Variants in CEP83 observed in about 807,000 individuals in gnomAD.
CEP83 encodes centrosomal protein 83.
In CEP83, 70 loss-of-function variants were observed where a neutral mutation model predicts 101.9. That is an observed-to-expected ratio of 0.69 (90% CI 0.57 to 0.84). CEP83 has a LOEUF of 0.84. Ranked by LOEUF, CEP83 falls within the 40% of genes least tolerant of loss-of-function variation. The pLI is 0.00. For synonymous variants in CEP83, 264 were observed against 267.9 expected, an observed-to-expected ratio of 0.99 and a Z score of 0.14; for missense variants, 715 against 787.2, an observed-to-expected ratio of 0.91 and a Z score of 1.10.
chr12:94,409,233 T>C, intron 4 of CEP83, among the ~76,000 whole-genome samples: 1 of 152,146 alleles, frequency 6.6e-6, no homozygotes, highest in East Asian at 1.9e-4. Context: ...GTATACATGA[T>C]GTTTCTTTAG....
chr12:94,452,367 G>C (rs1030236387), intron 1 of CEP83, among the ~76,000 whole-genome samples: 53 of 152,156 alleles, frequency 3.5e-4, no homozygotes, highest in African/African-American at 1.2e-3. Flanking sequence ...TGTTTAAAAA[G>C]GGCTAGGTAG....
the CEP83 span, chr12:94,282,531 GA>G: frequency 1.5e-6 from 1 of 646,524 alleles, no homozygotes; most frequent in East Asian, 2.8e-5. Flanking sequence ...GTCTGGGGCT[GA>G]AGTTTTCTTT....
At chr12:94,459,441 C>T (rs1483787634) in intron 1 of CEP83, 116 bp downstream of exon 1, 2 of 152,196 alleles carry the variant, frequency 1.3e-5, no homozygotes, top group Non-Finnish European at 2.9e-5. Flanking sequence ...CTAGCACGAG[C>T]TTCCACTACT....
intron 11 of CEP83, among the ~76,000 whole-genome samples, chr12:94,360,601 T>C (rs1376944369): frequency 6.6e-6 from 1 of 151,918 alleles, no homozygotes. Context: ...ATTAAAGAAA[T>C]TGAAGACACC....
intron 6 of CEP83, among the ~76,000 whole-genome samples, chr12:94,383,498 C>T (rs2061964645): frequency 6.6e-6 from 1 of 151,910 alleles, no homozygotes. Context: ...GAGTTACATC[C>T]CAATAAACCC....
the CEP83 span, among the ~76,000 whole-genome samples, chr12:94,269,819 T>C: frequency 1.3e-5 from 2 of 152,248 alleles, no homozygotes; most frequent in South Asian, 4.1e-4. Flanking sequence ...ACTAACTTCA[T>C]AGTTAGTGTT....
chr12:94,378,969 T>C lies in CEP83; in HGVS notation c.623A>G (p.Lys208Arg). Residue 208 changes from lysine (K) to arginine (R), a missense_variant, in exon 7 of 17, where the codon AAA (lysine) becomes AGA (arginine). By Grantham distance (26) the Lys-to-Arg change is conservative. Transcript: ENST00000397809. Reference sequence around the variant, plus strand: ...TTCTCGAGCAAGTTGTTCCACTCGTTTGCTGTCTTTTGTGAGATCAACATT... The same window carrying C: ...TTCTCGAGCAAGTTGTTCCACTCGTCTGCTGTCTTTTGTGAGATCAACATT... ...LLNVDLTKDS[K>R]RVEQLAREKV... The C allele has an allele frequency of 1.2e-6, 2 of 1,614,072 alleles. No individual in the cohort carries two copies. Among genetic ancestry groups the C allele is most frequent in the Non-Finnish European group, 8.5e-7 (1 of 1,179,968 alleles).
intron 13 of CEP83, among the ~76,000 whole-genome samples, chr12:94,333,045 C>CAAAAAAAAAAA (rs34900007): frequency 1.4e-5 from 1 of 73,170 alleles, no homozygotes; most frequent in Admixed American, 1.6e-4. Context: ...ATTTTAAGAC[C>CAAAAAAAAAAA]AAAAAAAAAA....
intron 1 of CEP83, among the ~76,000 whole-genome samples, chr12:94,450,944 T>C (rs1429215372): frequency 1.2e-4 from 19 of 152,180 alleles, no homozygotes; most frequent in Admixed American, 1.2e-3. Context: ...AAACTTACTA[T>C]AAAACTGCAG....
Position 94,308,715 on chromosome 12 carries a change from G to C in CEP83, c.*98C>G, listed in dbSNP as rs528238979. 8.6e-5 allele frequency: 66 copies of C among 771,558 alleles called. No individual in the cohort carries two copies. In the African/African-American group the frequency reaches 9.5e-4, roughly 11 times the overall value. 47.8% of individuals were successfully genotyped at this position (771,558 alleles called of 1,614,324 possible). A position where few individuals can be genotyped will look rare whatever the true frequency, so the allele number is the denominator to read the frequency against. ...TCTTGAGGCACATTCAAGTGTTTTG[G>C]CAAACAGTAAAAAGTATCTAAATGC... is the stretch of plus-strand genomic sequence containing the variant. On this transcript the variant is annotated 3_prime_UTR_variant, in exon 17 of 17. Coordinates refer to ENST00000397809, the MANE Select transcript of CEP83 (RefSeq NM_016122.3).
intron 6 of CEP83, among the ~76,000 whole-genome samples, chr12:94,383,393 T>A (rs538246859): frequency 6.6e-6 from 1 of 152,094 alleles, no homozygotes; most frequent in South Asian, 2.1e-4. Flanking sequence ...TGACTTATGA[T>A]GGTTCAAGTT....
At chr12:94,271,751 A>G in the CEP83 span, among the ~76,000 whole-genome samples, 1 of 152,120 alleles carries the variant, frequency 6.6e-6, no homozygotes, top group Admixed American at 6.5e-5. Flanking sequence ...TTTTTGATTC[A>G]GTTTTCCTTG....
chr12:94,297,645 A>G, the CEP83 span, among the ~76,000 whole-genome samples: 1 of 152,222 alleles, frequency 6.6e-6, no homozygotes, highest in Non-Finnish European at 1.5e-5. Flanking sequence ...ATCTTCAGTC[A>G]GGGATTTAAT....
downstream of CEP83, among the ~76,000 whole-genome samples, chr12:94,302,672 G>A (rs185092879): frequency 1.1e-3 from 169 of 152,216 alleles, no homozygotes; most frequent in African/African-American, 3.7e-3. Flanking sequence ...TTGATGTTCT[G>A]GGAGGTTACA....
intron 4 of CEP83, among the ~76,000 whole-genome samples, chr12:94,409,074 G>A (rs752192518): frequency 4.6e-5 from 7 of 151,542 alleles, no homozygotes; most frequent in Non-Finnish European, 8.8e-5. Context: ...GATAATGCAC[G>A]TATATTTTAA....
In CEP83 at chr12:94,333,640, C is replaced by T; in HGVS notation, c.1420-1G>A. On this transcript the variant is annotated splice_acceptor_variant, in intron 12 of 16. Transcript: ENST00000397809. LOFTEE classifies it high-confidence loss of function. The stretch of plus-strand genomic sequence containing the variant: ...CTTGGATCTGCAAACTACTGATTTG[C>T]TTAAAAGAGAAGAAAGAAGATAAAT... 6.2e-7 allele frequency: 1 copy of T among 1,609,212 alleles called. No individual in the cohort carries two copies. The highest frequency in any genetic ancestry group is 1.7e-5 in the Admixed American group (1 of 58,918).
chr12:94,390,399 A>T (rs1220624681), intron 6 of CEP83, among the ~76,000 whole-genome samples: 1 of 152,212 alleles, frequency 6.6e-6, no homozygotes, highest in Non-Finnish European at 1.5e-5. Context: ...TGTTAGGAGG[A>T]AAACTAACAA....
the CEP83 span, among the ~76,000 whole-genome samples, chr12:94,284,087 G>GAAAAAA: frequency 6.0e-5 from 5 of 82,696 alleles, no homozygotes; most frequent in Admixed American, 2.7e-4. Flanking sequence ...CATGTCAGGG[G>GAAAAAA]AAAAAAAAAA....
At chr12:94,274,714 T>C in the CEP83 span, among the ~76,000 whole-genome samples, 4 of 152,180 alleles carry the variant, frequency 2.6e-5, no homozygotes, top group Non-Finnish European at 5.9e-5. Flanking sequence ...AAAACATTCT[T>C]GTACTTCCAA....
Sources: allele counts gnomAD v4.1 joint callset (sites outside exome capture counted in the v4.1 genomes callset), GRCh38; gene constraint gnomAD v4.1.1; transcripts MANE v1.5; gene names NCBI Gene and HGNC (gene_info 2026-07-23, HGNC 2026-07-21).